The following CHD4 variants were observed in gnomAD, a reference collection of about 807,000 sequenced individuals.
CHD4 encodes the protein ATP-dependent chromatin remodeler CHD4.
CHD4 carries 35 observed loss-of-function variants against 235.5 expected under a neutral mutation model. The ratio of observed to expected loss-of-function variants is 0.15; its 90% CI spans 0.11 to 0.20. CHD4 has a LOEUF of 0.20. Among genes scored for constraint, CHD4 ranks in the 10% least tolerant of loss-of-function variants. CHD4 has a pLI of 1.00. For synonymous variants in CHD4, 900 were observed against 850.2 expected (o/e 1.06, Z -1.02); for missense variants, 1,329 against 2,432.3 (o/e 0.55, Z 9.54).
chr12:6,601,110 A>G (rs1948582057), intron 6 of CHD4, 57 bp from the exon 7 acceptor site: 1 of 1,524,608 alleles, frequency 6.6e-7, no homozygotes, highest in Non-Finnish European at 8.8e-7. Context: ...GGAAAATAAA[A>G]TCTTCTCCAC....
At chr12:6,590,313 G>C (rs188489801) in intron 22 of CHD4, 10 of 152,204 alleles carry the variant, frequency 6.6e-5, no homozygotes, top group African/African-American at 2.4e-4. Flanking sequence ...ACAGAAAACA[G>C]ACATCAAGAA....
At position 6,592,461 on chromosome 12, in the gene CHD4, G is replaced by A. The variant is rs760111195; in HGVS notation, c.2880C>T (p.Ala960=). 8.8e-5 allele frequency: 142 copies of A among 1,611,718 alleles called. No individual in the cohort carries two copies. Among genetic ancestry groups the A allele is most frequent in the Admixed American group, 1.8e-4 (11 of 59,972 alleles). ...LGPHMLRRLK[A]DVFKNMPSKT... ...TGGAGGGCATGTTCTTGAACACATC[G>A]GCTTTGAGCCGCCGCAACATGTGCG... Residue 960 remains alanine (A), a synonymous_variant, in exon 19 of 40, where the codon GCC becomes GCT. Transcript: ENST00000544040.
At chr12:6,581,843 C>T in intron 30 of CHD4, 29 bp from the exon 31 acceptor site, 1 of 1,501,952 alleles carries the variant, frequency 6.7e-7, no homozygotes, top group African/African-American at 1.4e-5. Context: ...AAGTTGAAGA[C>T]CCAATTCCAG....
intron 2 of CHD4, among the ~76,000 whole-genome samples, chr12:6,604,940 A>G (rs2267973): frequency 0.04 from 6,048 of 152,176 alleles, 307 homozygotes; most frequent in East Asian, 0.26. Flanking sequence ...TCTCAGAAGG[A>G]CAGGGTCCCC....
At chr12:6,599,586 C>T (rs944697462) in intron 10 of CHD4, among the ~76,000 whole-genome samples, 187 bp downstream of exon 10, 1 of 152,170 alleles carries the variant, frequency 6.6e-6, no homozygotes, top group Non-Finnish European at 1.5e-5. Flanking sequence ...AACATCAACT[C>T]CTCAGTTTGA....
Position 6,601,919 on chromosome 12 carries a change from A to G in CHD4, c.438+41T>C, listed in dbSNP as rs761061164. 7 of 1,603,414 alleles carry G rather than the reference A, an allele frequency of 4.4e-6. 1 individual carries two copies. The highest frequency in any genetic ancestry group is 3.3e-5 in the South Asian group (3 of 91,030). ...AAGGTGTCTAGGAAACAAAAAGACA[A>G]AAGTTTAACAGTACAAAGAAGAGGA... On this transcript the variant is annotated intron_variant, in intron 4 of 39. Coordinates refer to ENST00000544040, the MANE Select transcript of CHD4 (RefSeq NM_001273.5).
In CHD4 at chr12:6,581,272, C is replaced by G. The variant is rs775864340; in HGVS notation, c.4779+19G>C. The G allele has an allele frequency of 6.2e-7, 1 of 1,613,794 alleles. No individual in the cohort carries two copies. The highest frequency in any genetic ancestry group is 8.5e-7 in the Non-Finnish European group (1 of 1,179,924). On this transcript the variant is annotated intron_variant, in intron 32 of 39. Coordinates refer to ENST00000544040, the MANE Select transcript of CHD4 (RefSeq NM_001273.5). ...ACACATTTGTCTTTAGTATGGCATT[C>G]AGTCACCCCATCTCTTACCTCAATG...
chr12:6,592,273 C>T, intron 19 of CHD4, 120 bp downstream of exon 19: 3 of 1,372,312 alleles, frequency 2.2e-6, no homozygotes, highest in Admixed American at 2.5e-5. Flanking sequence ...CATCAGGTTT[C>T]TTCAGGCCTT....
chr12:6,589,055 C>T (rs1476310995), intron 22 of CHD4, among the ~76,000 whole-genome samples: 1 of 152,020 alleles, frequency 6.6e-6, no homozygotes, highest in Non-Finnish European at 1.5e-5. Context: ...CGAGACTAAG[C>T]TGGCCAACGT....
intron 2 of CHD4, among the ~76,000 whole-genome samples, chr12:6,605,379 C>G (rs1948674905): frequency 6.6e-6 from 1 of 152,194 alleles, no homozygotes; most frequent in Non-Finnish European, 1.5e-5. Flanking sequence ...AGAAAGACAT[C>G]TGCTTAGGGG....
chr12:6,600,496 A>T (rs757595830), intron 8 of CHD4, 38 bp downstream of exon 8: 7 of 1,553,612 alleles, frequency 4.5e-6, no homozygotes, highest in Non-Finnish European at 6.1e-6. Context: ...AATCACTCCC[A>T]CCTCATCCCA....
Position 6,601,784 on chromosome 12 carries a change from T to G in CHD4, c.439-18A>C. 2 of 1,607,428 alleles carry G rather than the reference T, an allele frequency of 1.2e-6. No individual in the cohort carries two copies. Among genetic ancestry groups the G allele is most frequent in the Non-Finnish European group, 1.7e-6 (2 of 1,174,156 alleles). ...TTAGGCTCCTGCAGAAAGAGCAAAG[T>G]CAAGTAAGTACCTGCCACCTAGTGC... On this transcript the variant is annotated intron_variant, in intron 4 of 39. Transcript: ENST00000544040.
chr12:6,580,083 T>C (rs929374530), intron 33 of CHD4, among the ~76,000 whole-genome samples: 3 of 141,278 alleles, frequency 2.1e-5, no homozygotes, highest in Non-Finnish European at 4.6e-5. Flanking sequence ...AAAAATTACG[T>C]GGGCATGGTT....
chr12:6,593,005 CCATCTA>C lies in CHD4; in HGVS notation c.2652+80_2652+85del, dbSNP rs1016774695. 107 of 1,565,438 alleles carry C rather than the reference CCATCTA, an allele frequency of 6.8e-5. No individual in the cohort carries two copies. The African/African-American group carries it at 1.0e-3, about 15-fold the overall frequency. On this transcript the variant is annotated intron_variant, in intron 17 of 39. Transcript: ENST00000544040. The surrounding 1 kb of genome is among the most constrained non-coding windows in gnomAD (Gnocchi z 4.9). ...CAGAGACAATTTTCCCCTCTCCTCT[CCATCTA>C]CAAGTTTTCCCCTTAATGAATTGGT...
rs1948607331 is a variant in CHD4 at position 6,602,149 on chromosome 12, C to A, written c.249G>T (p.Gly83=). ...KERMLLCRQL[G]DSSGEGPEFV... ...ACTCTGGCCCCTCCCCAGAGCTGTC[C>A]CCCAGCTGCCGGCATAAGAGCATAC... Residue 83 remains glycine, a synonymous_variant, in exon 4 of 40, where the codon GGG becomes GGT. Transcript: ENST00000544040. 1.2e-6 allele frequency: 2 copies of A among 1,613,814 alleles called. No individual in the cohort carries two copies. Among genetic ancestry groups the A allele is most frequent in the Non-Finnish European group, 1.7e-6 (2 of 1,179,962 alleles).
chr12:6,582,787 G>A (rs770699429), intron 28 of CHD4, 39 bp from the exon 29 acceptor site: 15 of 1,613,880 alleles, frequency 9.3e-6, no homozygotes, highest in Admixed American at 8.3e-5. Flanking sequence ...GCAGCAGGTC[G>A]CATTCCACCA....
At chr12:6,598,549 G>A in intron 10 of CHD4, 124 bp from the exon 11 acceptor site, 1 of 821,500 alleles carries the variant, frequency 1.2e-6, no homozygotes, top group Admixed American at 2.8e-5. Flanking sequence ...AGTGGCTCAT[G>A]CCTGAAATCC....
At chr12:6,597,308 ATAACATG>A (rs1241998608) in intron 12 of CHD4, among the ~76,000 whole-genome samples, 2 of 151,694 alleles carry the variant, frequency 1.3e-5, no homozygotes, top group Admixed American at 1.3e-4. Context: ...AATAAAGATA[ATAACATG>A]AAGTGTCAGG....
chr12:6,606,335 C>A lies in CHD4; in HGVS notation c.39G>T (p.Ala13=). ...SGLGSPSPCS[A]GSEEEDMDAL... ...CATCCATATCCTCCTCCTCACTGCC[C>A]GCCGAGCAGGGGGACGGGGAGCCCA... The change falls in exon 2 of 40, where the codon GCG becomes GCT. Residue 13 remains alanine, a synonymous_variant. Transcript: ENST00000544040. The A allele has an allele frequency of 6.4e-7, 1 of 1,570,878 alleles. No homozygotes were observed. Among genetic ancestry groups the A allele is most frequent in the Non-Finnish European group, 8.6e-7 (1 of 1,161,280 alleles).
Sources: gnomAD v4.1 joint callset for allele counts (sites outside exome capture counted in the v4.1 genomes callset) on GRCh38, gnomAD v4.1.1 for gene constraint, Gnocchi (gnomAD v3.1) non-coding constraint, MANE v1.5 for transcripts, NCBI Gene and HGNC (gene_info 2026-07-23, HGNC 2026-07-21) for gene names.